The following RBFOX1 variants were observed in gnomAD, a reference collection of about 807,000 sequenced individuals.
RBFOX1 encodes the protein RNA binding protein fox-1 homolog 1.
In RBFOX1, 8 loss-of-function variants were observed where a neutral mutation model predicts 57.7. The ratio of observed to expected loss-of-function variants is 0.14; its 90% CI spans 0.08 to 0.25. The LOEUF is 0.25. Ranked by LOEUF, RBFOX1 falls within the 10% of genes least tolerant of loss-of-function variation. The pLI is 1.00. For missense variants in RBFOX1, 611 were observed against 548.5 expected (o/e 1.11, Z -1.14); for synonymous variants, 326 against 222.4 (o/e 1.47, Z -4.15).
chr16:6,595,801 G>C (rs145614054), intron 2 of RBFOX1, among the ~76,000 whole-genome samples: 1 of 152,048 alleles, frequency 6.6e-6, no homozygotes, highest in Admixed American at 6.6e-5. Context: ...TTTCCCTAAT[G>C]ATTACTGGCA....
At chr16:6,804,548 T>C (rs970624373) in intron 3 of RBFOX1, among the ~76,000 whole-genome samples, 1 of 152,174 alleles carries the variant, frequency 6.6e-6, no homozygotes, top group African/African-American at 2.4e-5. Context: ...AATTGGACTC[T>C]AAATATTGTA....
intron 3 of RBFOX1, among the ~76,000 whole-genome samples, chr16:6,825,677 G>C (rs781339315): frequency 6.6e-6 from 1 of 152,126 alleles, no homozygotes; most frequent in Non-Finnish European, 1.5e-5. Context: ...TCTTGGATAG[G>C]TAACACAAGG....
At chr16:5,836,165 G>T (rs905565310) in intron 3 of RBFOX1, among the ~76,000 whole-genome samples, 1 of 152,148 alleles carries the variant, frequency 6.6e-6, no homozygotes, top group South Asian at 2.1e-4. Flanking sequence ...TGCTACCGCC[G>T]CCAGCACCAA....
intron 4 of RBFOX1, among the ~76,000 whole-genome samples, chr16:7,177,848 CTT>C (rs1184461087): frequency 6.6e-6 from 1 of 152,176 alleles, no homozygotes; most frequent in Non-Finnish European, 1.5e-5. Context: ...TCCGATAAAA[CTT>C]TAGTTACAAA....
chr16:7,708,521 C>A (rs529626003), intron 14 of RBFOX1, among the ~76,000 whole-genome samples: 1 of 152,116 alleles, frequency 6.6e-6, no homozygotes, highest in Admixed American at 6.5e-5. Flanking sequence ...GAATGGGGGT[C>A]CCACAGACCC....
intron 3 of RBFOX1, among the ~76,000 whole-genome samples, chr16:6,757,602 C>A (rs943756206): frequency 6.6e-6 from 1 of 151,988 alleles, no homozygotes. Flanking sequence ...AAAAGTTGAT[C>A]TCTGGAGGAT....
intron 3 of RBFOX1, among the ~76,000 whole-genome samples, chr16:6,901,496 G>T (rs561108299): frequency 9.9e-5 from 15 of 152,088 alleles, no homozygotes; most frequent in African/African-American, 3.6e-4. Context: ...CATGACTCTC[G>T]ACCTGGAATG....
intron 1 of RBFOX1, among the ~76,000 whole-genome samples, chr16:5,397,927 G>A (rs903721284): frequency 1.3e-5 from 2 of 152,200 alleles, no homozygotes; most frequent in Non-Finnish European, 2.9e-5. Flanking sequence ...TATGTGCCAC[G>A]TGCTTGCTGA....
chr16:5,651,793 A>G (rs544888911), intron 3 of RBFOX1, among the ~76,000 whole-genome samples: 3 of 152,202 alleles, frequency 2.0e-5, no homozygotes, highest in Non-Finnish European at 4.4e-5. Flanking sequence ...TTGTTGTCCA[A>G]TCATAAGCAT....
intron 2 of RBFOX1, among the ~76,000 whole-genome samples, chr16:5,518,771 T>C (rs2043897452): frequency 6.6e-6 from 1 of 152,100 alleles, no homozygotes; most frequent in Non-Finnish European, 1.5e-5. Context: ...AAACGTATTA[T>C]AAGGAACACA....
intron 3 of RBFOX1, among the ~76,000 whole-genome samples, chr16:6,681,649 C>T (rs753056543): frequency 5.5e-5 from 8 of 145,530 alleles, no homozygotes; most frequent in Non-Finnish European, 9.0e-5. Context: ...AATTGCCCCC[C>T]TCCACAATGG....
chr16:6,779,881 ATATATATTTATATATATTTATATATATT>A (rs1567209655), intron 3 of RBFOX1, among the ~76,000 whole-genome samples: 1 of 15,510 alleles, frequency 6.4e-5, no homozygotes, highest in Non-Finnish European at 1.0e-4. Flanking sequence ...ATATATATTT[ATATATATTTATATATATTTATATATATT>A]TATATATTTA....
At chr16:7,347,294 G>C (rs1373181717) in intron 4 of RBFOX1, among the ~76,000 whole-genome samples, 2 of 152,178 alleles carry the variant, frequency 1.3e-5, no homozygotes, top group African/African-American at 4.8e-5. Context: ...TACAGTTCCA[G>C]GTGGCTGGGG....
intron 1 of RBFOX1, among the ~76,000 whole-genome samples, chr16:5,454,919 G>GTTTC: frequency 2.7e-5 from 1 of 36,800 alleles, no homozygotes; most frequent in Admixed American, 3.4e-4. Flanking sequence ...TCTTTCCTTT[G>GTTTC]TTTCTTTCTT....
At chr16:6,223,468 T>G (rs7197441) in intron 1 of RBFOX1, among the ~76,000 whole-genome samples, 143,487 of 151,882 alleles carry the variant, frequency 0.94, 68,275 homozygotes, top group East Asian at 1. Context: ...TGATCATTTT[T>G]TCATGTGTCT....
At chr16:7,642,330 CT>C (rs1305685247) in intron 11 of RBFOX1, among the ~76,000 whole-genome samples, 9 of 152,080 alleles carry the variant, frequency 5.9e-5, no homozygotes, top group Non-Finnish European at 1.2e-4. Flanking sequence ...TTTTTTAAGT[CT>C]GAAAGCTGAT....
intron 4 of RBFOX1, among the ~76,000 whole-genome samples, chr16:5,919,787 C>T (rs1364004173): frequency 6.6e-6 from 1 of 152,170 alleles, no homozygotes; most frequent in Non-Finnish European, 1.5e-5. Flanking sequence ...TCCCCTTCTC[C>T]ACAGCCCTGG....
intron 2 of RBFOX1, among the ~76,000 whole-genome samples, chr16:5,468,544 C>A (rs1031409282): frequency 4.6e-5 from 7 of 152,212 alleles, no homozygotes; most frequent in African/African-American, 1.7e-4. Context: ...AGCAATTTCA[C>A]TCCTACATAT....
chr16:5,971,180 A>G (rs2059954737), intron 4 of RBFOX1, among the ~76,000 whole-genome samples: 1 of 152,234 alleles, frequency 6.6e-6, no homozygotes. Context: ...GGGATAGAGC[A>G]GTGAACCAGA....
Sources: gnomAD v4.1 joint callset for allele counts (sites outside exome capture counted in the v4.1 genomes callset) on GRCh38, gnomAD v4.1.1 for gene constraint, MANE v1.5 for transcripts, NCBI Gene and HGNC (gene_info 2026-07-23, HGNC 2026-07-21) for gene names.